Variants in TBC1D9 observed in about 807,000 individuals in gnomAD.
TBC1D9 encodes TBC1 domain family member 9.
In TBC1D9, 63 loss-of-function variants were observed where a neutral mutation model predicts 132.0. The observed-to-expected ratio is 0.48, with a 90% CI of 0.39 to 0.59. TBC1D9 has a LOEUF of 0.59. Among genes scored for constraint, TBC1D9 ranks in the 20% least tolerant of loss-of-function variants. TBC1D9 has a pLI of 0.00. For missense variants in TBC1D9, 1,261 were observed against 1,592.7 expected (o/e 0.79, Z 3.54); for synonymous variants, 610 against 609.9 (o/e 1.00, Z 0.00).
At chr4:140,650,780 C>T (rs1578824904) in intron 13 of TBC1D9, among the ~76,000 whole-genome samples, 1 of 152,132 alleles carries the variant, frequency 6.6e-6, no homozygotes, top group East Asian at 1.9e-4. Flanking sequence ...GGTGATCCAC[C>T]CGCCTTGGCC....
chr4:140,671,011 G>T, intron 6 of TBC1D9, 85 bp from the exon 7 acceptor site: 1 of 1,151,770 alleles, frequency 8.7e-7, no homozygotes, highest in Non-Finnish European at 1.3e-6. Flanking sequence ...GAGGAAGGCG[G>T]CACTTTCATT....
chr4:140,642,346 T>G (rs561953375), intron 13 of TBC1D9: 18 of 814,432 alleles, frequency 2.2e-5, no homozygotes, highest in Non-Finnish European at 3.8e-5. Flanking sequence ...TTCCTGGCTT[T>G]GGCGGCCCTT....
intron 1 of TBC1D9, among the ~76,000 whole-genome samples, chr4:140,739,510 T>G (rs965540790): frequency 1.3e-5 from 2 of 152,200 alleles, no homozygotes; most frequent in Non-Finnish European, 2.9e-5. Flanking sequence ...TTTCCTCATA[T>G]ATAAAGGGGA....
intron 18 of TBC1D9, 117 bp from the exon 19 acceptor site, chr4:140,624,505 AAAC>A: frequency 2.5e-6 from 2 of 805,996 alleles, no homozygotes; most frequent in Non-Finnish European, 3.8e-6. Context: ...TTTAGCAAAC[AAAC>A]AAACAAAAAA....
chr4:140,681,337 T>C (rs894581958), intron 3 of TBC1D9, among the ~76,000 whole-genome samples: 2 of 152,200 alleles, frequency 1.3e-5, no homozygotes, highest in African/African-American at 4.8e-5. Flanking sequence ...CATGAAGTAA[T>C]GTTGATTCTC....
At chr4:140,741,346 C>T (rs762806234) in intron 1 of TBC1D9, among the ~76,000 whole-genome samples, 2 of 152,008 alleles carry the variant, frequency 1.3e-5, no homozygotes, top group Admixed American at 6.5e-5. Flanking sequence ...TGCAGAGAAT[C>T]CCTTTCCCTT....
intron 4 of TBC1D9, 33 bp downstream of exon 4, chr4:140,679,582 C>T: frequency 6.5e-7 from 1 of 1,546,956 alleles, no homozygotes; most frequent in Middle Eastern, 1.7e-4. Context: ...GTAGACTTTC[C>T]AAAGTTTCCT....
chr4:140,669,203 A>C, intron 8 of TBC1D9, 136 bp from the exon 9 acceptor site: 1 of 866,474 alleles, frequency 1.2e-6, no homozygotes, highest in South Asian at 1.9e-5. Context: ...AAAGGAACTC[A>C]GATTTTCTGG....
At chr4:140,675,460 C>A (rs1737609150) in intron 6 of TBC1D9, among the ~76,000 whole-genome samples, 1 of 152,140 alleles carries the variant, frequency 6.6e-6, no homozygotes, top group African/African-American at 2.4e-5. Context: ...AGGTTAGAAA[C>A]TGCAGGGCTG....
Position 140,622,139 on chromosome 4 carries a change from A to G in TBC1D9, c.*56T>C, listed in dbSNP as rs200550166. ...AGAAAGAAAAAACTCAACACAGAAG[A>G]ACATAAAAAATCCCTCCCCTCCCTC... On this transcript the variant is annotated 3_prime_UTR_variant, in exon 21 of 21. Transcript: ENST00000442267. 9.7e-4 allele frequency: 1,469 copies of G among 1,507,132 alleles called. No individual in the cohort carries two copies. The highest frequency in any genetic ancestry group is 1.2e-3 in the Non-Finnish European group (1,355 of 1,127,452). 93.4% of individuals were successfully genotyped at this position (1,507,132 alleles called of 1,614,324 possible). A position where few individuals can be genotyped will look rare whatever the true frequency, so the allele number is the denominator to read the frequency against.
chr4:140,715,246 T>C (rs554790053), intron 1 of TBC1D9, among the ~76,000 whole-genome samples: 1 of 152,342 alleles, frequency 6.6e-6, no homozygotes, highest in Non-Finnish European at 1.5e-5. Flanking sequence ...TAATGAGGCA[T>C]GTCTGACCCC....
chr4:140,733,719 C>T (rs964294098), intron 1 of TBC1D9, among the ~76,000 whole-genome samples: 28 of 152,100 alleles, frequency 1.8e-4, no homozygotes, highest in African/African-American at 6.8e-4. Flanking sequence ...CATGAAAACT[C>T]AAGGTACATG....
At chr4:140,731,692 CA>C (rs1202438692) in intron 1 of TBC1D9, among the ~76,000 whole-genome samples, 2 of 151,616 alleles carry the variant, frequency 1.3e-5, no homozygotes, top group African/African-American at 4.8e-5. Flanking sequence ...CACACACACA[CA>C]CCCCAAACAT....
intron 13 of TBC1D9, among the ~76,000 whole-genome samples, chr4:140,653,069 C>T (rs541592891): frequency 2.6e-5 from 4 of 151,218 alleles, no homozygotes; most frequent in African/African-American, 9.7e-5. Context: ...GCTCAAAGTG[C>T]AGGGCTTCAC....
intron 1 of TBC1D9, among the ~76,000 whole-genome samples, chr4:140,719,801 G>A (rs972899775): frequency 1.3e-5 from 2 of 152,162 alleles, no homozygotes; most frequent in Non-Finnish European, 2.9e-5. Flanking sequence ...ATGTTACACG[G>A]TACTTACCCA....
chr4:140,731,499 G>A (rs932626463), intron 1 of TBC1D9, among the ~76,000 whole-genome samples: 6 of 152,112 alleles, frequency 3.9e-5, no homozygotes, highest in South Asian at 2.1e-4. Flanking sequence ...CGAGACCAGC[G>A]TGGCCAACAT....
At chr4:140,672,881 C>T (rs1438912665) in intron 6 of TBC1D9, among the ~76,000 whole-genome samples, 1 of 152,140 alleles carries the variant, frequency 6.6e-6, no homozygotes, top group Non-Finnish European at 1.5e-5. Flanking sequence ...AAAAAAAAGG[C>T]TAGGCACGTG....
intron 2 of TBC1D9, among the ~76,000 whole-genome samples, chr4:140,700,465 A>C (rs1304360973): frequency 1.3e-5 from 2 of 151,884 alleles, no homozygotes; most frequent in Non-Finnish European, 2.9e-5. Context: ...AAAAACAAAA[A>C]AAAACTTGCC....
At chr4:140,649,280 C>G (rs1427052304) in intron 13 of TBC1D9, among the ~76,000 whole-genome samples, 1 of 152,204 alleles carries the variant, frequency 6.6e-6, no homozygotes, top group Non-Finnish European at 1.5e-5. Context: ...TTCTAATATG[C>G]AAAGTCTATG....
Sources: gnomAD v4.1 joint callset for allele counts (sites outside exome capture counted in the v4.1 genomes callset) on GRCh38, gnomAD v4.1.1 for gene constraint, MANE v1.5 for transcripts, NCBI Gene and HGNC (gene_info 2026-07-23, HGNC 2026-07-21) for gene names.